Variants in RBPMS observed in about 807,000 individuals in gnomAD.
RBPMS encodes RNA binding protein, mRNA processing factor.
Under a neutral mutation model 26.8 loss-of-function variants are expected in RBPMS, and 7 were observed. The observed-to-expected ratio is 0.26, with a 90% confidence interval of 0.15 to 0.49. The LOEUF (loss-of-function observed/expected upper bound fraction) is 0.49, where lower values mean the gene tolerates loss of function less well. Among genes scored for constraint, RBPMS ranks in the 20% least tolerant of loss-of-function variants. The pLI, the probability that RBPMS is intolerant of heterozygous loss-of-function variation, is 0.98. For missense variants in RBPMS, 186 were observed against 250.0 expected (o/e 0.74, Z 1.73); for synonymous variants, 96 against 93.3 (o/e 1.03, Z -0.17).
chr8:30,474,915 G>A (rs1004664955), intron 2 of RBPMS, 59 bp downstream of exon 2: 1 of 1,119,006 alleles, frequency 8.9e-7, no homozygotes, highest in Non-Finnish European at 1.3e-6. Context: ...ATGCTTTCTG[G>A]GAGCTTTTTG....
intron 1 of RBPMS, chr8:30,453,691 C>T (rs975815291): frequency 6.6e-6 from 1 of 152,136 alleles, no homozygotes; most frequent in African/African-American, 2.4e-5. Flanking sequence ...GTGTGAGATT[C>T]ACTCACGGCC....
rs184362995 is a variant in RBPMS, at chr8:30,496,637, C to A, written c.247-7649C>A. 1.1e-3 allele frequency among the ~76,000 whole-genome samples: 171 copies of A among 152,302 alleles called. No homozygotes were observed. The Middle Eastern group carries it at 0.02, about 18-fold the overall frequency. Reference sequence around the variant, plus strand: ...ACTTATCAGAGAACCTGACCCAGTTCTCTACTAGCTTCCCATTCCTGTGAT... The same window carrying A: ...ACTTATCAGAGAACCTGACCCAGTTATCTACTAGCTTCCCATTCCTGTGAT... On this transcript the variant is annotated intron_variant, in intron 4 of 8. Coordinates refer to ENST00000397323, the MANE Select transcript of RBPMS (RefSeq NM_001008710.3).
intron 1 of RBPMS, among the ~76,000 whole-genome samples, chr8:30,451,811 C>T (rs1256315097): frequency 1.3e-5 from 2 of 152,166 alleles, no homozygotes; most frequent in Non-Finnish European, 2.9e-5. Context: ...TCCCAAATCT[C>T]TCCTATCTTT....
In RBPMS at chr8:30,526,771, A is replaced by C. The variant is rs555834056; in HGVS notation, c.398-17723A>C. Among the ~76,000 whole-genome samples the C allele has an allele frequency of 2.0e-5, 3 of 152,350 alleles. No individual in the cohort carries two copies. In the South Asian group the frequency reaches 6.2e-4, roughly 32 times the overall value. Reference sequence around the variant, plus strand: ...GCAATAAATTTGGGAAGAAGGAAGAAGGAAATGGGAATGCTAGATTACAGT... The same window carrying C: ...GCAATAAATTTGGGAAGAAGGAAGACGGAAATGGGAATGCTAGATTACAGT... On this transcript the variant is annotated intron_variant, in intron 5 of 8. Transcript: ENST00000397323.
chr8:30,481,205 A>T (rs1818234564), intron 4 of RBPMS, among the ~76,000 whole-genome samples: 1 of 152,144 alleles, frequency 6.6e-6, no homozygotes, highest in East Asian at 1.9e-4. Flanking sequence ...GACTCAAGTG[A>T]TTCTCCCTCC....
At chr8:30,463,432 C>G (rs1371247548) in intron 1 of RBPMS, among the ~76,000 whole-genome samples, 1 of 152,174 alleles carries the variant, frequency 6.6e-6, no homozygotes, top group African/African-American at 2.4e-5. Context: ...GGCCAGAGGC[C>G]TCTGTTACTC....
intron 7 of RBPMS, among the ~76,000 whole-genome samples, chr8:30,563,193 G>A (rs1368450252): frequency 6.6e-6 from 1 of 152,222 alleles, no homozygotes; most frequent in Non-Finnish European, 1.5e-5. Context: ...GGGGTCAGAA[G>A]GGGACAGGGT....
chr8:30,423,272 G>A (rs991827090), intron 1 of RBPMS, among the ~76,000 whole-genome samples: 1 of 152,112 alleles, frequency 6.6e-6, no homozygotes, highest in African/African-American at 2.4e-5. Flanking sequence ...TGTAATACTT[G>A]TCCCTATCTC....
chr8:30,558,081 C>G (rs1240591823), intron 6 of RBPMS: 3 of 152,208 alleles, frequency 2.0e-5, no homozygotes, highest in Admixed American at 1.3e-4. Context: ...TCAGGCTGGT[C>G]TTGAACTCCT....
chr8:30,516,397 A>G (rs1585730414), intron 5 of RBPMS, among the ~76,000 whole-genome samples: 1 of 151,968 alleles, frequency 6.6e-6, no homozygotes, highest in East Asian at 1.9e-4. Context: ...TCAAAAAAGA[A>G]AAAACACCTG....
At chr8:30,542,945 T>C (rs1431987508) in intron 5 of RBPMS, among the ~76,000 whole-genome samples, 2 of 152,216 alleles carry the variant, frequency 1.3e-5, no homozygotes, top group Non-Finnish European at 2.9e-5. Flanking sequence ...TCTGGTGTTG[T>C]TGCTTTCACC....
At chr8:30,516,984 G>C (rs974230415) in intron 5 of RBPMS, among the ~76,000 whole-genome samples, 3 of 151,310 alleles carry the variant, frequency 2.0e-5, no homozygotes, top group Non-Finnish European at 2.9e-5. Context: ...ATTTCAATCT[G>C]TATGTTTTAA....
chr8:30,544,695 C>T (rs980066913), intron 6 of RBPMS, 71 bp downstream of exon 6: 6 of 1,605,996 alleles, frequency 3.7e-6, no homozygotes, highest in African/African-American at 1.3e-5. Context: ...TTCCCGAGAG[C>T]ACACCATACA....
chr8:30,530,710 C>T (rs1824120726), intron 5 of RBPMS, among the ~76,000 whole-genome samples: 1 of 152,206 alleles, frequency 6.6e-6, no homozygotes, highest in Admixed American at 6.5e-5. Flanking sequence ...GATCCGCCTG[C>T]CTCGGCCTCC....
At chr8:30,443,519 G>T (rs1300289050) in intron 1 of RBPMS, among the ~76,000 whole-genome samples, 1 of 152,102 alleles carries the variant, frequency 6.6e-6, no homozygotes. Flanking sequence ...AGGGGGAATT[G>T]GGTAGATACA....
intron 5 of RBPMS, among the ~76,000 whole-genome samples, chr8:30,525,349 C>T (rs1035769302): frequency 2.0e-5 from 3 of 152,184 alleles, no homozygotes; most frequent in African/African-American, 7.2e-5. Flanking sequence ...CATTTTTCCA[C>T]TTGACCCTTC....
intron 6 of RBPMS, among the ~76,000 whole-genome samples, chr8:30,557,084 C>T (rs1225041989): frequency 6.6e-6 from 1 of 152,216 alleles, no homozygotes; most frequent in Non-Finnish European, 1.5e-5. Context: ...AGCAACTTTG[C>T]CTTTCCCTGA....
At chr8:30,436,053 A>G (rs190669148) in intron 1 of RBPMS, among the ~76,000 whole-genome samples, 1 of 152,236 alleles carries the variant, frequency 6.6e-6, no homozygotes, top group Non-Finnish European at 1.5e-5. Flanking sequence ...GGGAGACAAC[A>G]ACAATTTTTC....
intron 8 of RBPMS, 100 bp downstream of exon 8, chr8:30,566,460 G>A (rs981390358): frequency 3.0e-5 from 6 of 203,058 alleles, no homozygotes; most frequent in South Asian, 1.7e-4. Flanking sequence ...CCAGGTGCTC[G>A]TGCCCCTCCA....
Sources: allele counts gnomAD v4.1 joint callset (sites outside exome capture counted in the v4.1 genomes callset), GRCh38; gene constraint gnomAD v4.1.1; transcripts MANE v1.5; gene names NCBI Gene and HGNC (gene_info 2026-07-23, HGNC 2026-07-21).